The following SAMHD1 variants were observed in gnomAD, a reference collection of about 807,000 sequenced individuals.
SAMHD1 encodes the protein SAM and HD domain containing deoxynucleoside triphosphate triphosphohydrolase 1, also known as deoxynucleoside triphosphate triphosphohydrolase SAMHD1.
SAMHD1 carries 54 observed loss-of-function variants against 79.6 expected under a neutral mutation model. The observed-to-expected ratio is 0.68, with a 90% CI of 0.55 to 0.85. The LOEUF is 0.85. Ranked by LOEUF, SAMHD1 falls within the 40% of genes least tolerant of loss-of-function variation. The probability of loss-of-function intolerance (pLI) is 0.00; values close to 1 mark genes in which losing one functional copy is unlikely to be tolerated. For synonymous variants in SAMHD1, 260 were observed against 264.1 expected, an observed-to-expected ratio of 0.98 and a Z score of 0.15; for missense variants, 663 against 782.7, an observed-to-expected ratio of 0.85 and a Z score of 1.82.
intron 1 of SAMHD1, 121 bp from the exon 2 acceptor site, chr20:36,946,925 T>A (rs2063690649): frequency 1.4e-6 from 1 of 699,196 alleles, no homozygotes; most frequent in Admixed American, 2.4e-5. Context: ...GGCAATGGAT[T>A]GTGCCAAGTA....
At chr20:36,949,541 G>A (rs922306606) in intron 1 of SAMHD1, among the ~76,000 whole-genome samples, 1 of 151,006 alleles carries the variant, frequency 6.6e-6, no homozygotes, top group Non-Finnish European at 1.5e-5. Context: ...CGGATCACGA[G>A]TTCAGGAGAT....
intron 2 of SAMHD1, 136 bp downstream of exon 2, chr20:36,946,602 G>A: frequency 1.5e-6 from 1 of 671,086 alleles, no homozygotes; most frequent in South Asian, 1.7e-5. Context: ...AAACCAGCAG[G>A]CAAGGGATTC....
intron 9 of SAMHD1, among the ~76,000 whole-genome samples, chr20:36,916,087 G>A (rs1232590878): frequency 6.6e-6 from 1 of 151,936 alleles, no homozygotes; most frequent in Non-Finnish European, 1.5e-5. Context: ...CGTGAACCCG[G>A]GAGGCGGAGC....
At chr20:36,937,539 G>C (rs1601146503) in intron 3 of SAMHD1, among the ~76,000 whole-genome samples, 2 of 152,198 alleles carry the variant, frequency 1.3e-5, no homozygotes, top group East Asian at 3.8e-4. Context: ...AATTGTGTGT[G>C]ATTGAACAAC....
chr20:36,944,201 A>G (rs6016831), intron 2 of SAMHD1, among the ~76,000 whole-genome samples: 125,804 of 151,142 alleles, frequency 0.83, 52,649 homozygotes, highest in East Asian at 0.99. Context: ...CAAAAAATTA[A>G]CCGGGCATGG....
intron 3 of SAMHD1, among the ~76,000 whole-genome samples, chr20:36,939,819 A>G (rs140169994): frequency 6.4e-4 from 98 of 152,312 alleles, no homozygotes; most frequent in African/African-American, 2.0e-3. Context: ...AGGAATGTCA[A>G]AAGAGTAAAT....
At chr20:36,940,950 T>C in intron 3 of SAMHD1, 89 bp downstream of exon 3, 1 of 969,154 alleles carries the variant, frequency 1.0e-6, no homozygotes, top group East Asian at 2.5e-5. Context: ...GAGAAGCAGA[T>C]TTCCTCCTAT....
intron 13 of SAMHD1, among the ~76,000 whole-genome samples, chr20:36,898,843 T>C (rs894011431): frequency 1.5e-4 from 20 of 137,776 alleles, no homozygotes; most frequent in African/African-American, 5.3e-4. Context: ...ACCTGGGAGA[T>C]GGAGGTTGCA....
At chr20:36,890,192 G>A (rs1009605000), downstream of SAMHD1, 2 of 152,166 alleles carry the variant, frequency 1.3e-5, no homozygotes, top group Non-Finnish European at 2.9e-5. Context: ...CAAAGAGGTC[G>A]AAACCTTTGT....
chr20:36,941,484 T>C (rs1422692994), intron 2 of SAMHD1, among the ~76,000 whole-genome samples: 2 of 152,186 alleles, frequency 1.3e-5, no homozygotes, highest in East Asian at 3.8e-4. Context: ...GAGCACCAGG[T>C]ATGACTCAAG....
intron 13 of SAMHD1, among the ~76,000 whole-genome samples, chr20:36,898,910 C>CAAAAAAAAAAAA (rs57902699): frequency 5.8e-5 from 4 of 69,412 alleles, no homozygotes; most frequent in Non-Finnish European, 5.8e-5. Context: ...GACTCTGACT[C>CAAAAAAAAAAAA]AAAAAAAAAA....
intron 5 of SAMHD1, among the ~76,000 whole-genome samples, chr20:36,929,803 C>A (rs181722964): frequency 1.3e-5 from 2 of 152,078 alleles, no homozygotes; most frequent in Admixed American, 1.3e-4. Flanking sequence ...GGCCTAAGAC[C>A]TCACATGGAT....
At chr20:36,907,713 G>C (rs968528131) in intron 11 of SAMHD1, among the ~76,000 whole-genome samples, 1 of 150,298 alleles carries the variant, frequency 6.7e-6, no homozygotes, top group Non-Finnish European at 1.5e-5. Context: ...TCCTGACCTC[G>C]TATCTGCCCA....
chr20:36,943,442 T>C (rs1352311894), intron 2 of SAMHD1, among the ~76,000 whole-genome samples: 2 of 152,182 alleles, frequency 1.3e-5, no homozygotes, highest in Admixed American at 6.6e-5. Flanking sequence ...TACAGAACAA[T>C]ACAGCTCTAA....
chr20:36,937,859 TG>T (rs67860187), intron 3 of SAMHD1, among the ~76,000 whole-genome samples: 57,660 of 138,904 alleles, frequency 0.42, 14,414 homozygotes, highest in African/African-American at 0.64. Flanking sequence ...AATGTTGGTT[TG>T]TTTTTTTTTT....
At chr20:36,921,426 G>GATAT (rs1318091672) in intron 6 of SAMHD1, among the ~76,000 whole-genome samples, 1 of 133,022 alleles carries the variant, frequency 7.5e-6, no homozygotes, top group Non-Finnish European at 1.6e-5. Context: ...ATTGAATCAA[G>GATAT]ATATACGTAA....
chr20:36,912,957 C>T (rs114497971), intron 9 of SAMHD1, among the ~76,000 whole-genome samples: 1,267 of 115,502 alleles, frequency 0.011, 33 homozygotes, highest in African/African-American at 0.04. Context: ...GAGTACAAGT[C>T]CTTCATTGCA....
chr20:36,927,159 C>G, intron 6 of SAMHD1, 23 bp downstream of exon 6: 1 of 1,584,272 alleles, frequency 6.3e-7, no homozygotes, highest in Non-Finnish European at 8.7e-7. Flanking sequence ...TTTTTATTGA[C>G]TATTGACTGT....
intron 1 of SAMHD1, among the ~76,000 whole-genome samples, chr20:36,948,548 C>T (rs1235038280): frequency 2.6e-5 from 4 of 151,888 alleles, no homozygotes; most frequent in Non-Finnish European, 5.9e-5. Context: ...CCACCGTGCC[C>T]GGCCAAGAGA....
Sources: gnomAD v4.1 joint callset for allele counts (sites outside exome capture counted in the v4.1 genomes callset) on GRCh38, gnomAD v4.1.1 for gene constraint, MANE v1.5 for transcripts, NCBI Gene and HGNC (gene_info 2026-07-23, HGNC 2026-07-21) for gene names.